Variants in PLIN4 observed in about 807,000 individuals in gnomAD.
The protein encoded by PLIN4 is perilipin-4.
A neutral mutation model predicts 52.4 loss-of-function variants in PLIN4; 57 were observed. That is an observed-to-expected ratio of 1.09 (90% CI 0.88 to 1.36). The LOEUF (loss-of-function observed/expected upper bound fraction) is 1.36. Among genes scored for constraint, PLIN4 ranks in the 40% most tolerant of loss-of-function variants. The pLI, the probability that PLIN4 is intolerant of heterozygous loss-of-function variation, is 0.00. For synonymous variants in PLIN4, 826 were observed against 785.4 expected (o/e 1.05, Z -0.86); for missense variants, 1,757 against 1,770.3 (o/e 0.99, Z 0.13).
intron 2 of PLIN4, 113 bp downstream of exon 2, chr19:4,518,109 C>T: frequency 1.1e-6 from 1 of 949,692 alleles, no homozygotes; most frequent in Non-Finnish European, 1.4e-6. Flanking sequence ...CCCACCAGCC[C>T]ACCAGGGAAG....
At chr19:4,505,843 G>T (rs527894884) in intron 6 of PLIN4, among the ~76,000 whole-genome samples, 2 of 151,994 alleles carry the variant, frequency 1.3e-5, no homozygotes, top group African/African-American at 2.4e-5. Context: ...CCTGTCCAAG[G>T]CCAGGCTCCT....
At chr19:4,505,632 G>T (rs566196080) in intron 6 of PLIN4, among the ~76,000 whole-genome samples, 1 of 152,242 alleles carries the variant, frequency 6.6e-6, no homozygotes, top group African/African-American at 2.4e-5. Flanking sequence ...TCCCCAGCAC[G>T]TGGCACCCAC....
chr19:4,517,143 G>A (rs1233245488), intron 3 of PLIN4, among the ~76,000 whole-genome samples: 4 of 152,172 alleles, frequency 2.6e-5, no homozygotes, highest in African/African-American at 9.6e-5. Context: ...GTCCCTGATC[G>A]CCCAAGCTGA....
chr19:4,507,200 G>A (rs761701908), intron 6 of PLIN4, among the ~76,000 whole-genome samples: 4 of 152,226 alleles, frequency 2.6e-5, no homozygotes, highest in South Asian at 2.1e-4. Context: ...TAGGCTGCAC[G>A]CCAGGAATCC....
chr19:4,505,273 C>T (rs183231479), intron 6 of PLIN4, among the ~76,000 whole-genome samples: 195 of 152,280 alleles, frequency 1.3e-3, no homozygotes, highest in African/African-American at 4.2e-3. Context: ...CCCTGGGACA[C>T]CTCTGGCCTC....
rs74424045 is a variant in PLIN4 at position 4,508,894 on chromosome 19, G to C, written c.3576C>G (p.Phe1192Leu). The change falls in exon 6 of 8, where the codon TTC becomes TTG. Residue 1192 changes from phenylalanine to leucine, a missense_variant. Physicochemically the swap from Phe to Leu is conservative, Grantham distance 22. Around this residue, in one of 7 missense-constraint regions of PLIN4, gnomAD observed 712 missense variants for 637.1 expected, o/e 1.12. Transcript: ENST00000301286. ...TGGGACCCAGGTCACCTAAACGAAC[G>C]AAGTAGCTCCCCTGTTCCGCCGACA... ...KVLSAEQGSY[F>L]VRLGDLGPSF... The C allele has an allele frequency of 6.2e-7, 1 of 1,613,130 alleles. No homozygotes were observed. The highest frequency in any genetic ancestry group is 2.2e-5 in the East Asian group (1 of 44,862).
chr19:4,509,597 C>CT (rs1327661122), intron 5 of PLIN4, among the ~76,000 whole-genome samples: 1 of 151,960 alleles, frequency 6.6e-6, no homozygotes, highest in Non-Finnish European at 1.5e-5. Context: ...GGACTCCAGC[C>CT]TGGGCGACAA....
Position 4,517,683 on chromosome 19 carries a change from A to G in PLIN4, c.67T>C (p.Phe23Leu). The G allele has an allele frequency of 6.3e-7, 1 of 1,596,194 alleles. No individual in the cohort carries two copies. The highest frequency in any genetic ancestry group is 8.5e-7 in the Non-Finnish European group (1 of 1,172,036). Residue 23 changes from phenylalanine (F) to leucine (L), a missense_variant, in exon 3 of 8, where the codon TTT becomes CTT. This residue lies in a region of PLIN4 where 332 missense variants were observed against 310.8 expected (regional missense o/e 1.07). Transcript: ENST00000301286. ...GAGCTGAAGCCAGGCAGGGACCCAAAGAAGCTGCCCAGGGTCTGCATGGGG... is the reference window on the plus strand; with the variant it reads ...GAGCTGAAGCCAGGCAGGGACCCAAGGAAGCTGCCCAGGGTCTGCATGGGG... ...KPKGKTLGSF[F>L]GSLPGFSSAR...
chr19:4,509,282 G>A (rs575026049), intron 5 of PLIN4, among the ~76,000 whole-genome samples: 1 of 79,900 alleles, frequency 1.3e-5, no homozygotes, highest in Admixed American at 1.5e-4. Context: ...CTGCACTCCA[G>A]CCTGGGTAAG....
intron 4 of PLIN4, among the ~76,000 whole-genome samples, chr19:4,515,136 A>G (rs553487431): frequency 6.6e-6 from 1 of 151,594 alleles, no homozygotes; most frequent in East Asian, 2.0e-4. Flanking sequence ...AGATCGTGCC[A>G]TTGCCCTCCA....
intron 4 of PLIN4, among the ~76,000 whole-genome samples, chr19:4,514,126 G>A (rs549034920): frequency 1.8e-4 from 28 of 152,272 alleles, no homozygotes; most frequent in Admixed American, 3.3e-4. Context: ...GGCGTCCCAG[G>A]GACACCAGGG....
chr19:4,513,805 G>C, intron 4 of PLIN4, 104 bp from the exon 5 acceptor site: 4 of 1,387,778 alleles, frequency 2.9e-6, no homozygotes, highest in Non-Finnish European at 3.8e-6. Context: ...GCAAGGAACT[G>C]CAGGCACCCA....
Position 4,511,068 on chromosome 19 carries a change from C to T in PLIN4, c.2892G>A (p.Val964=). 1 of 1,613,394 alleles carries T rather than the reference C, an allele frequency of 6.2e-7. No homozygotes were observed. The highest frequency in any genetic ancestry group is 2.2e-5 in the East Asian group (1 of 44,852). Residue 964 remains valine, a synonymous_variant, in exon 5 of 8, where the codon GTG becomes GTA. Transcript: ENST00000301286. ...TCACTGCCCCCGTGACTCCAGTAGT[C>T]ACTGCATCCTTAGCGCCACTCAGCA... is the stretch of plus-strand genomic sequence containing the variant. ...KTVLSGAKDA[V]TTGVTGAVNV...
chr19:4,508,170 C>T (rs915468822), intron 6 of PLIN4, among the ~76,000 whole-genome samples: 2 of 152,332 alleles, frequency 1.3e-5, no homozygotes, highest in Non-Finnish European at 2.9e-5. Context: ...GTCTCCCCAT[C>T]GGTCAGGACA....
chr19:4,509,025 G>A (rs1459715998), intron 5 of PLIN4, 70 bp from the exon 6 acceptor site: 1 of 1,460,974 alleles, frequency 6.8e-7, no homozygotes, highest in South Asian at 1.3e-5. Context: ...AAAGTCAAGT[G>A]AGGGCCGGGC....
At position 4,510,753 on chromosome 19, in the gene PLIN4, A is replaced by T. The variant is rs750031731; in HGVS notation, c.3207T>A (p.Ser1069Arg). 3.2e-6 allele frequency: 5 copies of T among 1,559,756 alleles called. No individual in the cohort carries two copies. In the African/African-American group the frequency reaches 4.1e-5, roughly 13 times the overall value. ...TPATSWGGLT[S>R]SRTTDNGGEQ... is the part of the protein sequence containing the mutation. ...CCCCACCATTGTCTGTGGTCCTGGA[A>T]CTGGTGAGTCCACCCCAGGAGGTGG... The change falls in exon 5 of 8, where the codon AGT (serine) becomes AGA (arginine). Residue 1069 changes from serine (S) to arginine (R), a missense_variant. Coordinates refer to ENST00000301286, the MANE Select transcript of PLIN4 (RefSeq NM_001367868.2).
In PLIN4 at chr19:4,510,518, G is replaced by A. The variant is rs7250947; in HGVS notation, c.3442C>T (p.Arg1148Cys). 0.082 allele frequency: 121,532 copies of A among 1,480,548 alleles called. 5,534 individuals carry two copies. The highest frequency in any genetic ancestry group is 0.13 in the African/African-American group (9,082 of 71,072). 91.7% of individuals were successfully genotyped at this position (1,480,548 alleles called of 1,614,324 possible). Residue 1148 changes from arginine (R) to cysteine (C), a missense_variant, in exon 5 of 8, where the codon CGC becomes TGC. Transcript: ENST00000301286. ...ATTHGPEEAP[R>C]LAMLQNELEG... is the part of the protein sequence containing the mutation. ...AACTCATTCTGCAGCATTGCCAAGC[G>A]TGGGGCTTCTTCGGGGCCGTGTGTG...
At chr19:4,509,567 A>C (rs532164993) in intron 5 of PLIN4, among the ~76,000 whole-genome samples, 1 of 152,138 alleles carries the variant, frequency 6.6e-6, no homozygotes, top group South Asian at 2.1e-4. Context: ...TGGAGGTTGC[A>C]GTGTGCTGAC....
intron 6 of PLIN4, 147 bp from the exon 7 acceptor site, chr19:4,505,094 G>C: frequency 1.4e-6 from 1 of 729,868 alleles, no homozygotes; most frequent in Non-Finnish European, 2.3e-6. Context: ...CACAGTGGGC[G>C]TGTTGTCTTG....
Sources: gnomAD v4.1 joint callset for allele counts (sites outside exome capture counted in the v4.1 genomes callset) on GRCh38, gnomAD v4.1.1 for gene constraint, gnomAD v4.1.1 regional missense constraint, MANE v1.5 for transcripts, NCBI Gene and HGNC (gene_info 2026-07-23, HGNC 2026-07-21) for gene names.